CDC42BPA: variants seen among roughly 807,000 people sequenced by gnomAD.
The protein encoded by CDC42BPA is CDC42 binding protein kinase alpha, also known as serine/threonine-protein kinase MRCK alpha.
A neutral mutation model predicts 223.5 loss-of-function variants in CDC42BPA; 80 were observed. The ratio of observed to expected loss-of-function variants is 0.36; its 90% CI spans 0.30 to 0.43. The LOEUF is 0.43. Ranked by LOEUF, CDC42BPA falls within the 20% of genes least tolerant of loss-of-function variation. The pLI is 1.00. For synonymous variants in CDC42BPA, 694 were observed against 718.6 expected (o/e 0.97, Z 0.55); for missense variants, 1,743 against 2,099.9 (o/e 0.83, Z 3.32).
chr1:227,315,467 C>G (rs2148851380), intron 1 of CDC42BPA, among the ~76,000 whole-genome samples: 1 of 151,832 alleles, frequency 6.6e-6, no homozygotes, highest in South Asian at 2.1e-4. Context: ...CATAGCTTCG[C>G]AGATAGGAAA....
chr1:227,219,509 G>A (rs970584118), intron 2 of CDC42BPA: 41 of 152,204 alleles, frequency 2.7e-4, no homozygotes, highest in African/African-American at 9.7e-4. Flanking sequence ...TCACTGAGCT[G>A]CTGAATTTCA....
At chr1:227,139,975 A>G (rs1473273309) in intron 9 of CDC42BPA, among the ~76,000 whole-genome samples, 1 of 152,216 alleles carries the variant, frequency 6.6e-6, no homozygotes, top group Non-Finnish European at 1.5e-5. Flanking sequence ...TTAAAAAATG[A>G]AAACCTAAAA....
chr1:227,166,950 A>C (rs1394020987), intron 5 of CDC42BPA, among the ~76,000 whole-genome samples: 1 of 152,182 alleles, frequency 6.6e-6, no homozygotes, highest in Non-Finnish European at 1.5e-5. Flanking sequence ...CCTGAACAGA[A>C]AGAAGGTTAC....
chr1:227,298,430 C>A (rs2148711553), intron 1 of CDC42BPA, among the ~76,000 whole-genome samples: 1 of 152,004 alleles, frequency 6.6e-6, no homozygotes, highest in South Asian at 2.1e-4. Flanking sequence ...TGTATATAAA[C>A]AAGCTAGTGT....
chr1:227,011,089 A>C (rs767416693), intron 34 of CDC42BPA: 6 of 1,260,890 alleles, frequency 4.8e-6, no homozygotes, highest in African/African-American at 1.5e-5. Context: ...GAAAGATGAA[A>C]AAAGGCAATA....
intron 3 of CDC42BPA, among the ~76,000 whole-genome samples, chr1:227,207,156 C>A (rs2150307918): frequency 7.4e-6 from 1 of 134,520 alleles, no homozygotes; most frequent in Non-Finnish European, 1.5e-5. Flanking sequence ...TTGTTCAATT[C>A]CCACCTATGA....
In CDC42BPA at chr1:227,068,157, CATTG is replaced by C. The variant is rs534365963; in HGVS notation, c.2904+1616_2904+1619del. On this transcript the variant is annotated intron_variant, in intron 21 of 36. Coordinates refer to ENST00000366766, the MANE Select transcript of CDC42BPA (RefSeq NM_001394014.1). ...CAGCATTAGAAATAAATCAATTAAA[CATTG>C]ATTTATTTTAAAATCAGTACTCTAT... is the stretch of plus-strand genomic sequence containing the variant. 1.9e-3 allele frequency among the ~76,000 whole-genome samples: 289 copies of C among 151,846 alleles called. 2 individuals are homozygous for C. Among genetic ancestry groups the C allele is most frequent in the African/African-American group, 6.6e-3 (272 of 41,510 alleles).
chr1:227,119,730 A>C, intron 12 of CDC42BPA, 74 bp downstream of exon 12: 1 of 1,016,202 alleles, frequency 9.8e-7, no homozygotes, highest in East Asian at 2.7e-5. Context: ...ATTCATTATG[A>C]ATGCTTTCAG....
rs879856025 is a variant in CDC42BPA, at chr1:227,069,865, C to G, written c.2828-12G>C. The G allele has an allele frequency of 6.3e-7, 1 of 1,599,036 alleles. No individual in the cohort carries two copies. Among genetic ancestry groups the G allele is most frequent in the Non-Finnish European group, 8.6e-7 (1 of 1,168,808 alleles). ...TTGGTGCTCTATACCTAGAAGACAG[C>G]AGCAACTTTTTTTAAGGCTACAACA... On this transcript the variant is annotated splice_polypyrimidine_tract_variant and intron_variant, in intron 20 of 36. Transcript: ENST00000366766.
At position 227,073,950 on chromosome 1, in the gene CDC42BPA, C is replaced by T; in HGVS notation, c.2649G>A (p.Gln883=). The change falls in exon 19 of 37, where the codon CAG becomes CAA. Residue 883 remains glutamine (Q), a synonymous_variant. Coordinates refer to ENST00000366766, the MANE Select transcript of CDC42BPA (RefSeq NM_001394014.1). ...KLDMSARLEL[Q]SALDAEIRAK... ...CTCTTATTTCTGCATCCAGAGCCGA[C>T]TGCAACTCCAGTCTAGCTGACATAT... is the stretch of plus-strand genomic sequence containing the variant. The T allele has an allele frequency of 6.2e-7, 1 of 1,612,674 alleles. No homozygotes were observed. Among genetic ancestry groups the T allele is most frequent in the Non-Finnish European group, 8.5e-7 (1 of 1,179,538 alleles).
intron 28 of CDC42BPA, 45 bp from the exon 29 acceptor site, chr1:227,030,515 C>A (rs1669086335): frequency 8.5e-7 from 1 of 1,174,524 alleles, no homozygotes; most frequent in Non-Finnish European, 1.2e-6. Context: ...GGAAAAAAAC[C>A]ATGTAATGCT....
intron 34 of CDC42BPA, among the ~76,000 whole-genome samples, chr1:227,012,329 T>C (rs1454905834): frequency 6.6e-6 from 1 of 152,178 alleles, no homozygotes; most frequent in East Asian, 1.9e-4. Context: ...TAAATTATTT[T>C]AAAAATTCAA....
chr1:227,087,783 C>T (rs991188098), intron 16 of CDC42BPA, among the ~76,000 whole-genome samples: 5 of 152,116 alleles, frequency 3.3e-5, no homozygotes, highest in African/African-American at 1.2e-4. Context: ...ATTGCATTTG[C>T]TTTTTAGTAT....
In CDC42BPA at chr1:226,994,387, G is replaced by T; in HGVS notation, c.5146C>A (p.Pro1716Thr). ...RDFDGEDSDSPRHSTASNSSN... is the reference protein window; with the variant it reads ...RDFDGEDSDSTRHSTASNSSN... Reference sequence around the variant, plus strand: ...CTGTTGGAAGCTGTGGAATGCCTCGGAGAGTCAGAGTCCTGTAAGGCCCAA... The same window carrying T: ...CTGTTGGAAGCTGTGGAATGCCTCGTAGAGTCAGAGTCCTGTAAGGCCCAA... The change falls in exon 37 of 37, where the codon CCG (proline) becomes ACG (threonine). Residue 1716 changes from proline (P) to threonine (T), a missense_variant. This residue lies in a region of CDC42BPA where 200 missense variants were observed against 192.8 expected (regional missense o/e 1.04). Transcript: ENST00000366766. The surrounding 1 kb of genome is among the most constrained non-coding windows in gnomAD (Gnocchi z 4.0). 6.4e-7 allele frequency: 1 copy of T among 1,562,662 alleles called. No individual in the cohort carries two copies. The highest frequency in any genetic ancestry group is 1.9e-5 in the Admixed American group (1 of 52,836).
At chr1:227,283,900 T>C (rs1332067690) in intron 1 of CDC42BPA, among the ~76,000 whole-genome samples, 1 of 152,080 alleles carries the variant, frequency 6.6e-6, no homozygotes. Context: ...GGCCGGGATT[T>C]TGCCCAAATT....
chr1:227,216,799 T>A (rs570952159), intron 2 of CDC42BPA, among the ~76,000 whole-genome samples: 1 of 152,206 alleles, frequency 6.6e-6, no homozygotes, highest in Non-Finnish European at 1.5e-5. Flanking sequence ...TGCAAGACTA[T>A]AGTTTAACAC....
At chr1:227,095,192 G>A (rs963724032) in intron 15 of CDC42BPA, among the ~76,000 whole-genome samples, 5 of 152,108 alleles carry the variant, frequency 3.3e-5, no homozygotes, top group Non-Finnish European at 7.3e-5. Flanking sequence ...TTCAATGAAC[G>A]TATACTTAAT....
At chr1:227,071,983 C>A (rs1678478984) in intron 20 of CDC42BPA, among the ~76,000 whole-genome samples, 1 of 151,724 alleles carries the variant, frequency 6.6e-6, no homozygotes, top group African/African-American at 2.4e-5. Flanking sequence ...ACTATGAAAT[C>A]ATTAAACAAT....
intron 1 of CDC42BPA, among the ~76,000 whole-genome samples, chr1:227,282,570 T>C (rs1419297128): frequency 6.6e-6 from 1 of 152,232 alleles, no homozygotes; most frequent in Non-Finnish European, 1.5e-5. Flanking sequence ...TTGATTAATA[T>C]GTTATTTTTT....
Sources: gnomAD v4.1 joint callset for allele counts (sites outside exome capture counted in the v4.1 genomes callset) on GRCh38, gnomAD v4.1.1 for gene constraint, gnomAD v4.1.1 regional missense constraint, Gnocchi (gnomAD v3.1) non-coding constraint, MANE v1.5 for transcripts, NCBI Gene and HGNC (gene_info 2026-07-23, HGNC 2026-07-21) for gene names.